CXXC5: variants seen among roughly 807,000 people sequenced by gnomAD.
The protein encoded by CXXC5 is CXXC-type zinc finger protein 5.
In CXXC5, 2 loss-of-function variants were observed where a neutral mutation model predicts 17.6. The observed-to-expected ratio is 0.11, with a 90% confidence interval of 0.05 to 0.36. The LOEUF (loss-of-function observed/expected upper bound fraction) is 0.36. Among genes scored for constraint, CXXC5 ranks in the 10% least tolerant of loss-of-function variants. The pLI is 1.00. For missense variants in CXXC5, 343 were observed against 458.3 expected (o/e 0.75, Z 2.30); for synonymous variants, 171 against 193.0 (o/e 0.89, Z 0.94).
rs752466808 is a variant in CXXC5 at position 139,650,734 on chromosome 5, G to A, written c.-161+1889G>A. The stretch of plus-strand genomic sequence containing the variant: ...CCTCCTGAAAGATGCCCGTGCCTTG[G>A]TTTCCAACCGCCACTAGAAAACCGG... On this transcript the variant is annotated intron_variant, in intron 1 of 2. Coordinates refer to ENST00000302517, the MANE Select transcript of CXXC5 (RefSeq NM_016463.9). Among the ~76,000 whole-genome samples, 100 of 152,126 alleles carry A rather than the reference G, an allele frequency of 6.6e-4. 1 individual carries two copies. The highest frequency in any genetic ancestry group is 1.4e-3 in the Non-Finnish European group (98 of 68,012).
intron 1 of CXXC5, among the ~76,000 whole-genome samples, chr5:139,657,855 C>G (rs1755568774): frequency 6.6e-6 from 1 of 152,126 alleles, no homozygotes; most frequent in African/African-American, 2.4e-5. Flanking sequence ...ACCTGAGAAG[C>G]AGAGACCAGC....
chr5:139,682,620 G>A (rs1043101149), intron 2 of CXXC5, among the ~76,000 whole-genome samples: 4 of 152,204 alleles, frequency 2.6e-5, no homozygotes, highest in Non-Finnish European at 4.4e-5. Context: ...CTTCTTCTCT[G>A]GAAGGAGGGT....
intron 1 of CXXC5, among the ~76,000 whole-genome samples, chr5:139,671,783 C>G (rs975973061): frequency 3.9e-5 from 6 of 152,220 alleles, no homozygotes; most frequent in Non-Finnish European, 5.9e-5. Flanking sequence ...GGGGATTTCC[C>G]CAAGCCGAGA....
intron 1 of CXXC5, among the ~76,000 whole-genome samples, chr5:139,673,522 A>G (rs1460049555): frequency 6.6e-6 from 1 of 152,120 alleles, no homozygotes; most frequent in African/African-American, 2.4e-5. Flanking sequence ...CCCCTCCTCC[A>G]GCTGTTTTGG....
intron 2 of CXXC5, 125 bp downstream of exon 2, chr5:139,681,572 CTTGG>C: frequency 8.2e-7 from 1 of 1,217,712 alleles, no homozygotes; most frequent in Non-Finnish European, 1.1e-6. Flanking sequence ...CCTCCCAGTC[CTTGG>C]GGCCTGGGGG....
chr5:139,649,587 T>G (rs2126728954), intron 1 of CXXC5: 1 of 152,014 alleles, frequency 6.6e-6, no homozygotes, highest in South Asian at 2.1e-4. Context: ...GTTTGACCTT[T>G]TTTTTCCATC....
rs1192614088 is a variant in CXXC5 at position 139,668,754 on chromosome 5, G to C, written c.-160-11610G>C. Among the ~76,000 whole-genome samples, 2 of 152,214 alleles carry C rather than the reference G, an allele frequency of 1.3e-5. No individual in the cohort carries two copies. The highest frequency in any genetic ancestry group is 2.9e-5 in the Non-Finnish European group (2 of 68,030). On this transcript the variant is annotated intron_variant, in intron 1 of 2. Coordinates refer to ENST00000302517, the MANE Select transcript of CXXC5 (RefSeq NM_016463.9). The surrounding 1 kb of genome is among the most constrained non-coding windows in gnomAD (Gnocchi z 4.1). ...ATCCCAGGCGGAGCGGAGAAGGCTG[G>C]GGGATGACTGATAGGGGGAGTCGGG... is the stretch of plus-strand genomic sequence containing the variant.
intron 1 of CXXC5, among the ~76,000 whole-genome samples, chr5:139,665,310 C>G (rs1756045980): frequency 6.6e-6 from 1 of 152,278 alleles, no homozygotes; most frequent in Admixed American, 6.5e-5. Flanking sequence ...TGTGCTGCTA[C>G]TGGGCCATGC....
At chr5:139,652,165 CGCGCGCGTGTGT>C (rs1173279182) in intron 1 of CXXC5, among the ~76,000 whole-genome samples, 3 of 139,616 alleles carry the variant, frequency 2.1e-5, no homozygotes, top group Admixed American at 7.0e-5. Flanking sequence ...CGCGCGCGCG[CGCGCGCGTGTGT>C]GTGTGTGTGT....
chr5:139,655,532 A>G (rs1304235807), intron 1 of CXXC5, among the ~76,000 whole-genome samples: 1 of 147,058 alleles, frequency 6.8e-6, no homozygotes, highest in East Asian at 2.0e-4. Flanking sequence ...TGCCCCTGAC[A>G]CTTTCCCTAT....
intron 1 of CXXC5, among the ~76,000 whole-genome samples, chr5:139,659,277 G>A (rs1271910836): frequency 2.0e-5 from 3 of 152,148 alleles, no homozygotes; most frequent in East Asian, 1.9e-4. Flanking sequence ...GTAAGGAGCC[G>A]GCCAGTGAGG....
chr5:139,658,131 C>G lies in CXXC5; in HGVS notation c.-161+9286C>G, dbSNP rs998090608. Among the ~76,000 whole-genome samples the G allele has an allele frequency of 6.6e-6, 1 of 152,018 alleles. No homozygotes were observed. The highest frequency in any genetic ancestry group is 6.6e-5 in the Admixed American group (1 of 15,262). The stretch of plus-strand genomic sequence containing the variant: ...CCTCTCCTGCCTGACCCACCTCCCC[C>G]AGAACTAGATGGGAAATTAGTTAAC... On this transcript the variant is annotated intron_variant, in intron 1 of 2. Transcript: ENST00000302517. The surrounding 1 kb of genome is among the most constrained non-coding windows in gnomAD (Gnocchi z 4.1).
At position 139,661,164 on chromosome 5, in the gene CXXC5, G is replaced by T. The variant is rs1347841386; in HGVS notation, c.-161+12319G>T. On this transcript the variant is annotated intron_variant, in intron 1 of 2. Transcript: ENST00000302517. This position sits in a 1 kb window ranked among gnomAD's most constrained non-coding sequence, Gnocchi z 4.7. ...TATTTATCAAGCCAGCCTCCCCGCC[G>T]CGGCTGCCCGCGCCGCCCCCCCACC... 6.6e-6 allele frequency among the ~76,000 whole-genome samples: 1 copy of T among 152,112 alleles called. No homozygotes were observed. The highest frequency in any genetic ancestry group is 2.4e-5 in the African/African-American group (1 of 41,402).
chr5:139,674,883 A>G (rs527285657), intron 1 of CXXC5, among the ~76,000 whole-genome samples: 1 of 152,348 alleles, frequency 6.6e-6, no homozygotes, highest in Admixed American at 6.5e-5. Context: ...AAGGCCCTGC[A>G]CAACTGGGAC....
At position 139,650,556 on chromosome 5, in the gene CXXC5, G is replaced by T. The variant is rs190494306; in HGVS notation, c.-161+1711G>T. 1.3e-4 allele frequency among the ~76,000 whole-genome samples: 20 copies of T among 152,350 alleles called. No homozygotes were observed. In the East Asian group the frequency reaches 3.9e-3, roughly 29 times the overall value. On this transcript the variant is annotated intron_variant, in intron 1 of 2. Coordinates refer to ENST00000302517, the MANE Select transcript of CXXC5 (RefSeq NM_016463.9). ...GCCGCCTGGCGGGGGCTGCGAGCGC[G>T]GTCGCTGCGGACTTGTTTGGAGCGC...
At chr5:139,667,789 G>C (rs1459459455) in intron 1 of CXXC5, among the ~76,000 whole-genome samples, 1 of 152,292 alleles carries the variant, frequency 6.6e-6, no homozygotes, top group Admixed American at 6.5e-5. Flanking sequence ...CTTAGTGTTT[G>C]GGGGAGCAGG....
At chr5:139,680,141 C>T (rs964533649) in intron 1 of CXXC5, among the ~76,000 whole-genome samples, 1 of 152,230 alleles carries the variant, frequency 6.6e-6, no homozygotes, top group Non-Finnish European at 1.5e-5. Context: ...TTGTTTCCCT[C>T]ATCTATAAAG....
chr5:139,667,896 C>T (rs1329129247), intron 1 of CXXC5, among the ~76,000 whole-genome samples: 2 of 152,194 alleles, frequency 1.3e-5, no homozygotes, highest in African/African-American at 2.4e-5. Context: ...ATTCATGCTC[C>T]CAGGGCCCCA....
upstream of CXXC5, chr5:139,647,948 C>T (rs1198456893): frequency 6.6e-6 from 1 of 152,018 alleles, no homozygotes; most frequent in Non-Finnish European, 1.5e-5. Context: ...CCTCCCGGTC[C>T]TCGAAGCTTC....
Sources: allele counts gnomAD v4.1 joint callset (sites outside exome capture counted in the v4.1 genomes callset), GRCh38; gene constraint gnomAD v4.1.1; non-coding constraint Gnocchi (gnomAD v3.1); transcripts MANE v1.5; gene names NCBI Gene and HGNC (gene_info 2026-07-23, HGNC 2026-07-21).